ITIH3: variants seen among roughly 807,000 people sequenced by gnomAD.
The protein encoded by ITIH3 is inter-alpha-trypsin inhibitor heavy chain H3.
A neutral mutation model predicts 96.5 loss-of-function variants in ITIH3; 81 were observed. The observed-to-expected ratio is 0.84, with a 90% confidence interval of 0.70 to 1.01. The LOEUF is 1.01. Ranked by LOEUF, ITIH3 falls within the 50% of genes least tolerant of loss-of-function variation. The probability of loss-of-function intolerance (pLI) is 0.00; values close to 1 mark genes in which losing one functional copy is unlikely to be tolerated. For synonymous variants in ITIH3, 422 were observed against 445.2 expected, an observed-to-expected ratio of 0.95 and a Z score of 0.66; for missense variants, 1,057 against 1,139.3, an observed-to-expected ratio of 0.93 and a Z score of 1.04.
Position 52,800,533 on chromosome 3 carries a change from C to T in ITIH3, c.1076-5C>T. 1 of 1,553,628 alleles carries T rather than the reference C, an allele frequency of 6.4e-7. No homozygotes were observed. On this transcript the variant is annotated splice_polypyrimidine_tract_variant and splice_region_variant and intron_variant, in intron 9 of 21. Coordinates refer to ENST00000449956, the MANE Select transcript of ITIH3 (RefSeq NM_002217.4). Reference sequence around the variant, plus strand: ...CTCCCACGGTGCTGTCTGTCTGTGTCCCAGTGACCAACATCAATGACGGGC... The same window carrying T: ...CTCCCACGGTGCTGTCTGTCTGTGTTCCAGTGACCAACATCAATGACGGGC...
In ITIH3 at chr3:52,804,754, C is replaced by T. The variant is rs1229042590; in HGVS notation, c.1873+20C>T. On this transcript the variant is annotated intron_variant, in intron 15 of 21. Transcript: ENST00000449956. ...CAGAAGGTAAGCCTTTAGCCAGCCACCGGGTTGGGCATTATGGAAGGGAGA... is the reference window on the plus strand; with the variant it reads ...CAGAAGGTAAGCCTTTAGCCAGCCATCGGGTTGGGCATTATGGAAGGGAGA... 6.3e-7 allele frequency: 1 copy of T among 1,586,464 alleles called. No homozygotes were observed. Among genetic ancestry groups the T allele is most frequent in the Non-Finnish European group, 8.6e-7 (1 of 1,165,114 alleles).
rs1053533686 is a variant in ITIH3, at chr3:52,796,987, G to C, written c.387-118G>C. 3 of 1,315,808 alleles carry C rather than the reference G, an allele frequency of 2.3e-6. No individual in the cohort carries two copies. In the East Asian group the frequency reaches 7.6e-5, roughly 33 times the overall value. 81.5% of individuals were successfully genotyped at this position (1,315,808 alleles called of 1,614,324 possible). A position where few individuals can be genotyped will look rare whatever the true frequency, so the allele number is the denominator to read the frequency against. On this transcript the variant is annotated intron_variant, in intron 4 of 21. Transcript: ENST00000449956. ...TTATCCCACGTTGAGGCTGAGGCAA[G>C]TGAGGCTCAGAATGGTTAGGGATCT...
At chr3:52,797,626 A>G (rs1578752668) in intron 5 of ITIH3, among the ~76,000 whole-genome samples, 191 bp from the exon 6 acceptor site, 1 of 151,962 alleles carries the variant, frequency 6.6e-6, no homozygotes, top group Admixed American at 6.6e-5. Flanking sequence ...CGGTGGTAAC[A>G]CCTCCCGATC....
At chr3:52,807,939 G>T in intron 20 of ITIH3, 23 bp downstream of exon 20, 1 of 1,609,140 alleles carries the variant, frequency 6.2e-7, no homozygotes, top group South Asian at 1.1e-5. Flanking sequence ...CAGACTGCAG[G>T]CTGTTCAGGC....
chr3:52,795,206 CA>C (rs1322880881), intron 1 of ITIH3, among the ~76,000 whole-genome samples: 1 of 152,214 alleles, frequency 6.6e-6, no homozygotes, highest in East Asian at 1.9e-4. Flanking sequence ...GTGACCTCTA[CA>C]AAATGCTCAG....
chr3:52,797,263 T>C lies in ITIH3; in HGVS notation c.545T>C (p.Phe182Ser), dbSNP rs1361257285. ...KVQPKQLVKH[F>S]EIEVDIFEPQ... ...CAGCCTAAGCAACTGGTCAAACACT[T>C]TGAGGTAATCAACCGCCCCTGCAGA... Residue 182 changes from phenylalanine to serine, a missense_variant, in exon 5 of 22, where the codon TTT becomes TCT. Phe to Ser is a radical substitution (Grantham distance 155). Transcript: ENST00000449956. 1 of 1,602,440 alleles carries C rather than the reference T, an allele frequency of 6.2e-7. No homozygotes were observed. Among genetic ancestry groups the C allele is most frequent in the African/African-American group, 1.3e-5 (1 of 74,852 alleles).
At chr3:52,807,969 G>A in intron 20 of ITIH3, 53 bp downstream of exon 20, 6 of 1,593,650 alleles carry the variant, frequency 3.8e-6, no homozygotes, top group Non-Finnish European at 5.1e-6. Flanking sequence ...GCATGGGAAA[G>A]ACATACACAA....
intron 1 of ITIH3, among the ~76,000 whole-genome samples, 196 bp from the exon 2 acceptor site, chr3:52,795,407 A>G (rs1399250084): frequency 1.3e-5 from 2 of 152,114 alleles, no homozygotes; most frequent in Non-Finnish European, 2.9e-5. Context: ...TCTGGACCTC[A>G]GTTTCCCCAT....
chr3:52,799,181 C>A, intron 7 of ITIH3, 90 bp downstream of exon 7: 1 of 1,500,910 alleles, frequency 6.7e-7, no homozygotes, highest in East Asian at 2.4e-5. Flanking sequence ...ACCCTGGGTC[C>A]TCAGCCCAAG....
chr3:52,807,421 A>C (rs1023098221), intron 19 of ITIH3, among the ~76,000 whole-genome samples: 1 of 152,158 alleles, frequency 6.6e-6, no homozygotes, highest in South Asian at 2.1e-4. Flanking sequence ...CAGATCCCCC[A>C]GAGCCTCCCA....
rs745601090 is a variant in ITIH3 at position 52,806,127 on chromosome 3, C to A, written c.1931C>A (p.Pro644His). 6.2e-7 allele frequency: 1 copy of A among 1,603,638 alleles called. No individual in the cohort carries two copies. Among genetic ancestry groups the A allele is most frequent in the East Asian group, 2.3e-5 (1 of 44,438 alleles). Residue 644 changes from proline to histidine, a missense_variant, in exon 17 of 22, where the codon CCC becomes CAC. Coordinates refer to ENST00000449956, the MANE Select transcript of ITIH3 (RefSeq NM_002217.4). ...GCCAGCTACCAGCCTCCTCAAAACC[C>A]CTACTACTATGGTGAGTCCCTGGCT... The part of the protein sequence containing the change: ...YLTSYQPPQN[P>H]YYYVDGDPHF...
intron 9 of ITIH3, chr3:52,800,314 C>A: frequency 1.7e-6 from 1 of 589,598 alleles, no homozygotes; most frequent in Non-Finnish European, 3.0e-6. Flanking sequence ...ATGTGCTTTT[C>A]GTCTTCACCA....
Position 52,808,714 on chromosome 3 carries a change from C to A in ITIH3, c.*33C>A. On this transcript the variant is annotated 3_prime_UTR_variant, in exon 22 of 22. Coordinates refer to ENST00000449956, the MANE Select transcript of ITIH3 (RefSeq NM_002217.4). ...CACCAGCTCCTGTTGGGATGGATGG[C>A]CCGGATTTTATGGCATCTGGAACAT... 3 of 1,589,306 alleles carry A rather than the reference C, an allele frequency of 1.9e-6. No individual in the cohort carries two copies. The highest frequency in any genetic ancestry group is 1.1e-5 in the South Asian group (1 of 90,148).
At position 52,807,677 on chromosome 3, in the gene ITIH3, C is replaced by T. The variant is rs1045080886; in HGVS notation, c.2262-70C>T. ...ATGTACAGGGGAGGCCCCACCAAAA[C>T]GCCCTTGAGTCAGATGCCCAGTGTC... On this transcript the variant is annotated intron_variant, in intron 19 of 21. Coordinates refer to ENST00000449956, the MANE Select transcript of ITIH3 (RefSeq NM_002217.4). 4.7e-6 allele frequency: 7 copies of T among 1,493,186 alleles called. No individual in the cohort carries two copies. In the Admixed American group the frequency reaches 1.0e-4, roughly 22 times the overall value. 92.5% of individuals were successfully genotyped at this position (1,493,186 alleles called of 1,614,324 possible).
chr3:52,806,057 C>A (rs2154110416), intron 16 of ITIH3, 46 bp from the exon 17 acceptor site: 2 of 1,579,354 alleles, frequency 1.3e-6, no homozygotes, highest in East Asian at 2.3e-5. Context: ...GGGCGCCTCC[C>A]AGGGCCACTT....
chr3:52,805,955 G>A (rs1159480252), intron 16 of ITIH3, 115 bp downstream of exon 16: 6 of 1,530,902 alleles, frequency 3.9e-6, no homozygotes, highest in African/African-American at 2.7e-5. Context: ...TGGACAATGT[G>A]CCCTGAGGAG....
chr3:52,806,443 C>T (rs1325547179), intron 18 of ITIH3, 37 bp downstream of exon 18: 1 of 1,542,842 alleles, frequency 6.5e-7, no homozygotes, highest in African/African-American at 1.4e-5. Flanking sequence ...CCAGGGGGCT[C>T]TTCCTGGGAG....
At chr3:52,798,800 C>G in intron 6 of ITIH3, 166 bp from the exon 7 acceptor site, 2 of 742,556 alleles carry the variant, frequency 2.7e-6, no homozygotes, top group Non-Finnish European at 4.4e-6. Flanking sequence ...GCAGAGCACG[C>G]CACCGGCGGG....
chr3:52,797,851 G>C lies in ITIH3; in HGVS notation c.584G>C (p.Ser195Thr). 2 of 1,609,784 alleles carry C rather than the reference G, an allele frequency of 1.2e-6. No individual in the cohort carries two copies. The highest frequency in any genetic ancestry group is 1.7e-6 in the Non-Finnish European group (2 of 1,178,216). Residue 195 changes from serine (S) to threonine (T), a missense_variant, in exon 6 of 22, where the codon AGC becomes ACC. Ser to Thr is a moderately conservative substitution (Grantham distance 58). Transcript: ENST00000449956. ...EVDIFEPQGI[S>T]MLDAEASFIT... ...GACATCTTCGAGCCTCAGGGAATCA[G>C]CATGCTGGATGCTGAGGCCTCTTTC...
Sources: allele counts gnomAD v4.1 joint callset (sites outside exome capture counted in the v4.1 genomes callset), GRCh38; gene constraint gnomAD v4.1.1; transcripts MANE v1.5; gene names NCBI Gene and HGNC (gene_info 2026-07-23, HGNC 2026-07-21).